The following PLA2G4E variants were observed in gnomAD, a reference collection of about 807,000 sequenced individuals.
The protein encoded by PLA2G4E is phospholipase A2 group IVE.
Under a neutral mutation model 109.1 loss-of-function variants are expected in PLA2G4E, and 84 were observed. The observed-to-expected ratio is 0.77, with a 90% CI of 0.65 to 0.92. The LOEUF is 0.92. Ranked by LOEUF, PLA2G4E falls within the 40% of genes least tolerant of loss-of-function variation. PLA2G4E has a pLI of 0.00. For synonymous variants in PLA2G4E, 469 were observed against 436.1 expected (o/e 1.08, Z -0.94); for missense variants, 1,057 against 1,076.6 (o/e 0.98, Z 0.25).
At chr15:41,993,619 T>C (rs919291483) in intron 12 of PLA2G4E, among the ~76,000 whole-genome samples, 1 of 152,180 alleles carries the variant, frequency 6.6e-6, no homozygotes, top group African/African-American at 2.4e-5. Context: ...CTGGCCTCAG[T>C]CTGCCTCTTC....
At chr15:42,010,141 C>CG (rs1555387030) in intron 2 of PLA2G4E, 5 of 485,916 alleles carry the variant, frequency 1.0e-5, no homozygotes, top group African/African-American at 8.6e-5. Context: ...GGCCCCCCCA[C>CG]CCCGGGCCTG....
intron 1 of PLA2G4E, among the ~76,000 whole-genome samples, chr15:42,029,155 G>A (rs575179626): frequency 4.0e-4 from 61 of 152,200 alleles, no homozygotes; most frequent in Non-Finnish European, 6.8e-4. Flanking sequence ...GCAGTGGCGC[G>A]ATCTCAGCTC....
intron 1 of PLA2G4E, among the ~76,000 whole-genome samples, chr15:42,031,651 C>T (rs1889116326): frequency 6.6e-6 from 1 of 152,130 alleles, no homozygotes. Flanking sequence ...TTTTCTTGGT[C>T]CAAGGCCAGC....
intron 1 of PLA2G4E, among the ~76,000 whole-genome samples, chr15:42,020,047 A>G (rs60017741): frequency 0.015 from 2,332 of 152,308 alleles, 62 homozygotes; most frequent in African/African-American, 0.054. Flanking sequence ...CTGTGGGGAA[A>G]CCAGGGCACA....
intron 1 of PLA2G4E, among the ~76,000 whole-genome samples, chr15:42,022,143 T>A (rs1186975637): frequency 6.6e-6 from 1 of 152,174 alleles, no homozygotes; most frequent in Non-Finnish European, 1.5e-5. Flanking sequence ...AGAGAGGAAA[T>A]CCTAAGCTTG....
chr15:42,027,926 C>T (rs2068706521), intron 1 of PLA2G4E, among the ~76,000 whole-genome samples: 1 of 127,532 alleles, frequency 7.8e-6, no homozygotes, highest in African/African-American at 2.9e-5. Flanking sequence ...TAACATAATT[C>T]ATCATATGCT....
At chr15:42,041,968 G>A (rs1268990249) in intron 1 of PLA2G4E, among the ~76,000 whole-genome samples, 1 of 152,194 alleles carries the variant, frequency 6.6e-6, no homozygotes, top group East Asian at 1.9e-4. Flanking sequence ...ATGGCCATGC[G>A]AATTCTCTGG....
intron 1 of PLA2G4E, among the ~76,000 whole-genome samples, chr15:42,049,140 C>G (rs1889466954): frequency 6.6e-6 from 1 of 152,168 alleles, no homozygotes. Context: ...AGGGAGACTG[C>G]AGAAGATGAG....
At chr15:42,050,442 C>T (rs1889486987) in intron 1 of PLA2G4E, 5 of 1,436,836 alleles carry the variant, frequency 3.5e-6, no homozygotes, top group African/African-American at 1.4e-5. Flanking sequence ...TGCAGCAATG[C>T]AGGTGATCTT....
At chr15:42,050,702 A>T (rs1460382689) in exon 1 of PLA2G4E, 2 of 1,549,722 alleles carry the variant, frequency 1.3e-6, no homozygotes, top group African/African-American at 2.7e-5. Context: ...CTGGAGACTC[A>T]TCCCAGCCTC....
chr15:42,031,903 G>A (rs1223768853), intron 1 of PLA2G4E, among the ~76,000 whole-genome samples: 1 of 152,200 alleles, frequency 6.6e-6, no homozygotes, highest in Non-Finnish European at 1.5e-5. Flanking sequence ...ATCTCATGTT[G>A]AAATGTGATC....
intron 1 of PLA2G4E, among the ~76,000 whole-genome samples, chr15:42,017,970 C>T (rs1298070202): frequency 6.6e-6 from 1 of 152,188 alleles, no homozygotes; most frequent in African/African-American, 2.4e-5. Flanking sequence ...ACCCAGTTTT[C>T]AGGAGACAAC....
At chr15:42,045,029 C>G (rs1386125715) in intron 1 of PLA2G4E, among the ~76,000 whole-genome samples, 1 of 151,678 alleles carries the variant, frequency 6.6e-6, no homozygotes, top group Admixed American at 6.6e-5. Flanking sequence ...AGTGACCCGG[C>G]AGGATAGATT....
intron 11 of PLA2G4E, 119 bp downstream of exon 11, chr15:41,997,005 A>G (rs1368501308): frequency 7.7e-7 from 1 of 1,307,170 alleles, no homozygotes; most frequent in African/African-American, 1.5e-5. Flanking sequence ...CCTGTACCTC[A>G]GCAGTAAAAG....
In PLA2G4E at chr15:41,997,008, A is replaced by G. The variant is rs1241189571; in HGVS notation, c.1110+116T>C. ...CTCACCAGGGCGCCTGTACCTCAGCAGTAAAAGCATCCATGGAGGTGGCGC... is the reference window on the plus strand; with the variant it reads ...CTCACCAGGGCGCCTGTACCTCAGCGGTAAAAGCATCCATGGAGGTGGCGC... On this transcript the variant is annotated intron_variant, in intron 11 of 19. Coordinates refer to ENST00000399518, the Ensembl canonical transcript of PLA2G4E. 1.3e-5 allele frequency: 17 copies of G among 1,324,184 alleles called. No individual in the cohort carries two copies. In the East Asian group the frequency reaches 2.4e-4, roughly 19 times the overall value. The allele number at this position is 1,324,184 out of a possible 1,614,324, so 82.0% of individuals were successfully genotyped here. A position where few individuals can be genotyped will look rare whatever the true frequency, so the allele number is the denominator to read the frequency against.
chr15:42,001,689 G>A (rs1013394194), intron 6 of PLA2G4E, among the ~76,000 whole-genome samples: 2 of 152,106 alleles, frequency 1.3e-5, no homozygotes, highest in African/African-American at 2.4e-5. Context: ...ACCAACAGCC[G>A]AAATATGAAT....
chr15:42,011,116 G>T (rs766365742), intron 2 of PLA2G4E, among the ~76,000 whole-genome samples: 8 of 134,820 alleles, frequency 5.9e-5, no homozygotes, highest in Non-Finnish European at 1.1e-4. Context: ...TGTGCCTTCC[G>T]CCTTGTTCTT....
At chr15:42,022,242 T>A (rs2068655420) in intron 1 of PLA2G4E, among the ~76,000 whole-genome samples, 1 of 152,150 alleles carries the variant, frequency 6.6e-6, no homozygotes, top group Non-Finnish European at 1.5e-5. Flanking sequence ...AGAGGGGGCA[T>A]CTTAGAAGGA....
intron 1 of PLA2G4E, 29 bp from the exon 2 acceptor site, chr15:42,013,786 T>C: frequency 6.5e-7 from 1 of 1,534,110 alleles, no homozygotes. Flanking sequence ...GAGGACTCAG[T>C]CTTCAAGCAT....
Sources: gnomAD v4.1 joint callset for allele counts (sites outside exome capture counted in the v4.1 genomes callset) on GRCh38, gnomAD v4.1.1 for gene constraint, MANE v1.5 for transcripts, NCBI Gene and HGNC (gene_info 2026-07-23, HGNC 2026-07-21) for gene names.